Variants in TASP1 observed in about 807,000 individuals in gnomAD.
TASP1 encodes the protein taspase 1, also known as threonine aspartase 1.
In TASP1, 16 loss-of-function variants were observed where a neutral mutation model predicts 56.6. The ratio of observed to expected loss-of-function variants is 0.28; its 90% CI spans 0.19 to 0.43. The LOEUF (loss-of-function observed/expected upper bound fraction) is 0.43, where lower values mean the gene tolerates loss of function less well. Ranked by LOEUF, TASP1 falls within the 20% of genes least tolerant of loss-of-function variation. The pLI, the probability that TASP1 is intolerant of heterozygous loss-of-function variation, is 1.00. For missense variants in TASP1, 393 were observed against 511.6 expected, an observed-to-expected ratio of 0.77 and a Z score of 2.24; for synonymous variants, 179 against 184.2, an observed-to-expected ratio of 0.97 and a Z score of 0.23.
At chr20:13,247,682 G>C in the TASP1 span, among the ~76,000 whole-genome samples, 1 of 152,104 alleles carries the variant, frequency 6.6e-6, no homozygotes, top group East Asian at 1.9e-4. Context: ...CAGCCAAGTC[G>C]TGTTTGCACC....
intron 4 of TASP1, among the ~76,000 whole-genome samples, chr20:13,602,839 C>G (rs1387044931): frequency 6.6e-6 from 1 of 152,150 alleles, no homozygotes; most frequent in Non-Finnish European, 1.5e-5. Flanking sequence ...AGGCCACAGA[C>G]TGATACCAGT....
At chr20:13,329,025 A>G in the TASP1 span, among the ~76,000 whole-genome samples, 217 of 152,198 alleles carry the variant, frequency 1.4e-3, no homozygotes, top group Non-Finnish European at 2.1e-3. Flanking sequence ...ATAAAATAAA[A>G]TTGGGTTGTT....
the TASP1 span, among the ~76,000 whole-genome samples, chr20:13,173,949 G>C: frequency 6.6e-6 from 1 of 152,038 alleles, no homozygotes; most frequent in African/African-American, 2.4e-5. Context: ...CTGCCTTCCT[G>C]GGTTGTGACC....
At chr20:13,310,282 G>A in the TASP1 span, among the ~76,000 whole-genome samples, 1 of 152,170 alleles carries the variant, frequency 6.6e-6, no homozygotes, top group African/African-American at 2.4e-5. Flanking sequence ...CAAATTTGTG[G>A]TCAACTGATC....
At chr20:13,462,635 T>A (rs1488474433) in intron 11 of TASP1, among the ~76,000 whole-genome samples, 1 of 152,170 alleles carries the variant, frequency 6.6e-6, no homozygotes, top group Non-Finnish European at 1.5e-5. Flanking sequence ...CTCAAAACTT[T>A]AAATTGAATT....
chr20:13,394,259 C>A (rs2041420461), intron 13 of TASP1, among the ~76,000 whole-genome samples: 1 of 140,566 alleles, frequency 7.1e-6, no homozygotes, highest in Admixed American at 7.0e-5. Context: ...CCACTGCACT[C>A]CAGTGCAGTG....
chr20:13,360,613 T>A, the TASP1 span, among the ~76,000 whole-genome samples: 1 of 152,238 alleles, frequency 6.6e-6, no homozygotes, highest in African/African-American at 2.4e-5. Flanking sequence ...CTGCCGCTGC[T>A]TTAATACTTT....
chr20:13,453,091 C>T (rs1218106863), intron 11 of TASP1, among the ~76,000 whole-genome samples: 1 of 151,930 alleles, frequency 6.6e-6, no homozygotes, highest in Non-Finnish European at 1.5e-5. Flanking sequence ...GGGACAGGAA[C>T]AAAGTCTGGA....
At chr20:13,462,003 G>C (rs3789347) in intron 11 of TASP1, among the ~76,000 whole-genome samples, 68,493 of 151,928 alleles carry the variant, frequency 0.45, 15,607 homozygotes, top group Non-Finnish European at 0.47. Flanking sequence ...TAGAGGGGAT[G>C]ATGGGACACA....
chr20:13,437,366 A>G (rs1364139484), intron 11 of TASP1, among the ~76,000 whole-genome samples: 2 of 152,216 alleles, frequency 1.3e-5, no homozygotes, highest in African/African-American at 2.4e-5. Flanking sequence ...TCTCAAAATA[A>G]TAAGAGCTAT....
At chr20:13,471,797 C>T (rs2044504540) in intron 11 of TASP1, among the ~76,000 whole-genome samples, 1 of 152,132 alleles carries the variant, frequency 6.6e-6, no homozygotes, top group Admixed American at 6.6e-5. Flanking sequence ...ACTGAGGAAC[C>T]TGGTTCATCT....
At chr20:13,486,704 G>A (rs1396839252) in intron 10 of TASP1, among the ~76,000 whole-genome samples, 1 of 152,134 alleles carries the variant, frequency 6.6e-6, no homozygotes, top group African/African-American at 2.4e-5. Context: ...AATCATCAGT[G>A]GCTGCTAATA....
chr20:13,566,436 T>C (rs1468749456), intron 7 of TASP1, among the ~76,000 whole-genome samples: 2 of 151,192 alleles, frequency 1.3e-5, no homozygotes, highest in Non-Finnish European at 2.9e-5. Flanking sequence ...CAGACATAAA[T>C]GGGTAAATGG....
chr20:13,394,307 C>CAAAAAAAAAAAAA lies in TASP1; in HGVS notation c.1171-3868_1171-3856dup, dbSNP rs57418361. Among the ~76,000 whole-genome samples the CAAAAAAAAAAAAA allele has an allele frequency of 7.0e-4, 30 of 42,946 alleles. 1 individual carries two copies. Among genetic ancestry groups the CAAAAAAAAAAAAA allele is most frequent in the African/African-American group, 2.4e-3 (26 of 10,878 alleles). 28.2% of individuals were successfully genotyped at this position (42,946 alleles called of 152,430 possible). ...GCCACTGCACTACAGCACTCCCTCT[C>CAAAAAAAAAAAAA]AAAAAAAAAAAAAAAAAAAAAGGCC... On this transcript the variant is annotated intron_variant, in intron 13 of 13. Transcript: ENST00000337743.
chr20:13,122,894 A>G, the TASP1 span, among the ~76,000 whole-genome samples: 1 of 152,178 alleles, frequency 6.6e-6, no homozygotes, highest in Non-Finnish European at 1.5e-5. Flanking sequence ...TGGGTCTACC[A>G]ATGCGTAGTC....
rs531318144 is a variant in TASP1, at chr20:13,488,206, T to C, written c.875-4869A>G. 2.1e-3 allele frequency among the ~76,000 whole-genome samples: 313 copies of C among 151,888 alleles called. 3 individuals are homozygous for C. Among genetic ancestry groups the C allele is most frequent in the African/African-American group, 7.2e-3 (299 of 41,434 alleles). ...TTATTAAACTGAAGATCCACAGAGT[T>C]CCAAAAAAGAGGAATAAAAATAGAA... On this transcript the variant is annotated intron_variant, in intron 10 of 13. Transcript: ENST00000337743.
At chr20:13,556,308 T>G (rs2046154826) in intron 8 of TASP1, among the ~76,000 whole-genome samples, 1 of 152,142 alleles carries the variant, frequency 6.6e-6, no homozygotes. Context: ...TCCATCCCTA[T>G]CACCTACAGT....
chr20:13,528,622 C>T, intron 9 of TASP1, 111 bp from the exon 10 acceptor site: 1 of 787,016 alleles, frequency 1.3e-6, no homozygotes, highest in South Asian at 2.2e-5. Context: ...TGATGTAAAA[C>T]AACTAGGTGA....
At chr20:13,590,319 C>T (rs978270115) in intron 4 of TASP1, among the ~76,000 whole-genome samples, 2 of 152,100 alleles carry the variant, frequency 1.3e-5, no homozygotes, top group African/African-American at 4.8e-5. Context: ...ACTTCAAACC[C>T]ACAAGGATGG....
Sources: allele counts gnomAD v4.1 joint callset (sites outside exome capture counted in the v4.1 genomes callset), GRCh38; gene constraint gnomAD v4.1.1; transcripts MANE v1.5; gene names NCBI Gene and HGNC (gene_info 2026-07-23, HGNC 2026-07-21).